The following PDE3B variants were observed in gnomAD, a reference collection of about 807,000 sequenced individuals.
The protein encoded by PDE3B is phosphodiesterase 3B.
In PDE3B, 66 loss-of-function variants were observed where a neutral mutation model predicts 116.8. That is an observed-to-expected ratio of 0.56 (90% CI 0.46 to 0.69). The LOEUF (loss-of-function observed/expected upper bound fraction) is 0.69. Ranked by LOEUF, PDE3B falls within the 30% of genes least tolerant of loss-of-function variation. The pLI is 0.00. For missense variants in PDE3B, 1,384 were observed against 1,368.1 expected (o/e 1.01, Z -0.18); for synonymous variants, 595 against 533.6 (o/e 1.12, Z -1.59).
intron 1 of PDE3B, among the ~76,000 whole-genome samples, chr11:14,722,480 G>T (rs1487803040): frequency 2.6e-5 from 4 of 152,150 alleles, no homozygotes; most frequent in Non-Finnish European, 5.9e-5. Context: ...TTCCAAAGAC[G>T]AAACAAGGAG....
At chr11:14,893,390 A>G in the PDE3B span, among the ~76,000 whole-genome samples, 1 of 152,230 alleles carries the variant, frequency 6.6e-6, no homozygotes, top group Non-Finnish European at 1.5e-5. Context: ...ATCAACTGCT[A>G]AAGAAGTGTA....
Position 14,871,334 on chromosome 11 carries a change from C to T in PDE3B, c.*1674C>T, listed in dbSNP as rs1848137332. On this transcript the variant is annotated 3_prime_UTR_variant, in exon 16 of 16. Coordinates refer to ENST00000282096, the MANE Select transcript of PDE3B (RefSeq NM_000922.4). ...ACACACTATGTGTAAACCAGTCCCA[C>T]CACTTATTACTAATAAAATTTTGAC... 6.6e-6 allele frequency: 1 copy of T among 152,130 alleles called. No individual in the cohort carries two copies. The allele number at this position is 152,130 out of a possible 1,614,324, so 9.4% of individuals were successfully genotyped here. A position where few individuals can be genotyped will look rare whatever the true frequency, so the allele number is the denominator to read the frequency against.
In PDE3B at chr11:14,835,056, C is replaced by G. The variant is rs1353755489; in HGVS notation, c.2281C>G (p.Gln761Glu). 3 of 1,612,434 alleles carry G rather than the reference C, an allele frequency of 1.9e-6. No homozygotes were observed. Among genetic ancestry groups the G allele is most frequent in the Non-Finnish European group, 2.5e-6 (3 of 1,178,898 alleles). The change falls in exon 11 of 16, where the codon CAG becomes GAG. Residue 761 changes from glutamine to glutamate, a missense_variant. Around this residue, in one of 2 missense-constraint regions of PDE3B, gnomAD observed 428 missense variants for 561.4 expected, o/e 0.76. Transcript: ENST00000282096. ...YLTTRPVPGL[Q>E]QIHNGCGTGN... Reference sequence around the variant, plus strand: ...GACAACACGGCCAGTTCCTGGCTTACAGCAGATCCACAATGGTTGTGGAAC... The same window carrying G: ...GACAACACGGCCAGTTCCTGGCTTAGAGCAGATCCACAATGGTTGTGGAAC...
intron 5 of PDE3B, among the ~76,000 whole-genome samples, chr11:14,808,726 A>G (rs1044634763): frequency 6.6e-5 from 10 of 152,212 alleles, no homozygotes; most frequent in Non-Finnish European, 1.0e-4. Context: ...ATATGCTAAC[A>G]TTAAGGAATC....
chr11:14,878,250 A>G, the PDE3B span: 26 of 1,613,200 alleles, frequency 1.6e-5, no homozygotes, highest in Middle Eastern at 1.7e-4. Flanking sequence ...GTAAAAAACA[A>G]GAACATTTCC....
the PDE3B span, chr11:14,891,268 A>G: frequency 1.0e-6 from 1 of 985,282 alleles, no homozygotes. Flanking sequence ...TATGAGTTTT[A>G]AATGAGTCAC....
chr11:14,793,582 T>C (rs1858457309), intron 4 of PDE3B, among the ~76,000 whole-genome samples: 1 of 152,166 alleles, frequency 6.6e-6, no homozygotes, highest in Admixed American at 6.5e-5. Flanking sequence ...AACTGAGTGA[T>C]GGGACCCAGC....
At chr11:14,857,342 T>A (rs955621152) in intron 12 of PDE3B, among the ~76,000 whole-genome samples, 1 of 152,214 alleles carries the variant, frequency 6.6e-6, no homozygotes, top group Admixed American at 6.5e-5. Context: ...AATGTTTTTC[T>A]TATTTGGTTT....
chr11:14,830,642 C>CACA, intron 7 of PDE3B, 56 bp from the exon 8 acceptor site: 1 of 701,190 alleles, frequency 1.4e-6, no homozygotes, highest in Non-Finnish European at 2.2e-6. Flanking sequence ...TCATGTAAAG[C>CACA]TGTACATATA....
chr11:14,848,811 T>G (rs1182414584), intron 12 of PDE3B, among the ~76,000 whole-genome samples: 1 of 152,114 alleles, frequency 6.6e-6, no homozygotes, highest in Non-Finnish European at 1.5e-5. Flanking sequence ...CAAGGAGAAC[T>G]ACAAACCACT....
chr11:14,862,424 A>G (rs1555007334), intron 14 of PDE3B, among the ~76,000 whole-genome samples: 2 of 152,212 alleles, frequency 1.3e-5, no homozygotes, highest in African/African-American at 4.8e-5. Context: ...TATTTAAAGA[A>G]TATCAATCCA....
At chr11:14,884,782 A>AT in the PDE3B span, among the ~76,000 whole-genome samples, 1 of 152,142 alleles carries the variant, frequency 6.6e-6, no homozygotes, top group African/African-American at 2.4e-5. Flanking sequence ...TGATAAAAAC[A>AT]GTCTAAACAA....
intron 1 of PDE3B, among the ~76,000 whole-genome samples, chr11:14,664,776 T>C (rs988570148): frequency 4.5e-4 from 68 of 152,088 alleles, no homozygotes; most frequent in African/African-American, 1.6e-3. Flanking sequence ...CAATAATCAA[T>C]AGCTTACCAA....
intron 1 of PDE3B, among the ~76,000 whole-genome samples, chr11:14,734,281 C>T (rs1856538764): frequency 6.6e-6 from 1 of 152,180 alleles, no homozygotes; most frequent in Non-Finnish European, 1.5e-5. Context: ...CTGTGTTTCC[C>T]AGGCTGGTCT....
Position 14,644,972 on chromosome 11 carries a change from G to T in PDE3B, c.897G>T (p.Ser299=), listed in dbSNP as rs749167599. The change falls in exon 1 of 16, where the codon TCG becomes TCT. Residue 299 remains serine, a synonymous_variant. Transcript: ENST00000282096. ...IRPRRRSSCV[S]LGETAASYYG... Reference sequence around the variant, plus strand: ...CCCGGAGGAGGTCCAGCTGCGTGTCGTTAGGAGAAACTGCAGCCAGTTACT... The same window carrying T: ...CCCGGAGGAGGTCCAGCTGCGTGTCTTTAGGAGAAACTGCAGCCAGTTACT... 6.2e-7 allele frequency: 1 copy of T among 1,613,976 alleles called. No homozygotes were observed. Among genetic ancestry groups the T allele is most frequent in the Non-Finnish European group, 8.5e-7 (1 of 1,179,990 alleles).
chr11:14,776,888 A>G (rs1722470172), intron 2 of PDE3B, among the ~76,000 whole-genome samples: 1 of 151,990 alleles, frequency 6.6e-6, no homozygotes, highest in Admixed American at 6.6e-5. Flanking sequence ...CAAAACCAAG[A>G]AAATCACAAC....
chr11:14,864,322 A>G (rs527537131), intron 14 of PDE3B, among the ~76,000 whole-genome samples: 80 of 152,292 alleles, frequency 5.3e-4, no homozygotes, highest in African/African-American at 1.9e-3. Flanking sequence ...TTAGAGACCT[A>G]CAAGGAGACT....
intron 2 of PDE3B, among the ~76,000 whole-genome samples, chr11:14,780,409 T>G (rs1000754183): frequency 1.3e-5 from 2 of 152,150 alleles, no homozygotes; most frequent in Non-Finnish European, 2.9e-5. Flanking sequence ...GACCACATAG[T>G]TGGAAGTAAA....
chr11:14,666,480 A>G (rs1213066350), intron 1 of PDE3B, among the ~76,000 whole-genome samples: 25 of 150,498 alleles, frequency 1.7e-4, no homozygotes, highest in Admixed American at 3.3e-4. Context: ...AGAAACTACC[A>G]TCAGAGTGAA....
Sources: allele counts gnomAD v4.1 joint callset (sites outside exome capture counted in the v4.1 genomes callset), GRCh38; gene constraint gnomAD v4.1.1; regional missense constraint gnomAD v4.1.1; transcripts MANE v1.5; gene names NCBI Gene and HGNC (gene_info 2026-07-23, HGNC 2026-07-21).